Variants in RBMS3 observed in about 807,000 individuals in gnomAD.
The protein encoded by RBMS3 is RNA binding motif single stranded interacting protein 3.
In RBMS3, 27 loss-of-function variants were observed where a neutral mutation model predicts 66.8. The ratio of observed to expected loss-of-function variants is 0.40; its 90% CI spans 0.30 to 0.56. The LOEUF (loss-of-function observed/expected upper bound fraction) is 0.56, where lower values mean the gene tolerates loss of function less well. RBMS3 is among the 20% of genes least tolerant of loss of function. The pLI is 0.40. For missense variants in RBMS3, 513 were observed against 549.5 expected (o/e 0.93, Z 0.66); for synonymous variants, 188 against 183.0 (o/e 1.03, Z -0.22).
At chr3:29,690,763 T>A (rs2051967943) in intron 4 of RBMS3, among the ~76,000 whole-genome samples, 1 of 152,236 alleles carries the variant, frequency 6.6e-6, no homozygotes, top group East Asian at 1.9e-4. Context: ...AGTTTGAACT[T>A]TGTGCTCTGT....
intron 4 of RBMS3, among the ~76,000 whole-genome samples, chr3:29,733,296 C>G (rs182838894): frequency 6.6e-6 from 1 of 151,730 alleles, no homozygotes; most frequent in Non-Finnish European, 1.5e-5. Context: ...ATTCGTTATA[C>G]ACAATTTTGT....
intron 4 of RBMS3, among the ~76,000 whole-genome samples, chr3:29,702,922 C>G (rs1338837975): frequency 3.9e-5 from 6 of 152,178 alleles, no homozygotes; most frequent in Admixed American, 3.9e-4. Flanking sequence ...CCCACCAATT[C>G]CGGACACAAT....
chr3:29,977,178 G>A (rs906406872), intron 12 of RBMS3, among the ~76,000 whole-genome samples: 4 of 151,878 alleles, frequency 2.6e-5, no homozygotes, highest in African/African-American at 4.8e-5. Context: ...AGCAAGGACT[G>A]GAAGCACCAA....
intron 11 of RBMS3, among the ~76,000 whole-genome samples, chr3:29,939,528 A>G (rs1036064225): frequency 1.3e-5 from 2 of 151,892 alleles, no homozygotes; most frequent in Admixed American, 1.3e-4. Flanking sequence ...CTCACTTTCC[A>G]ACTTTTAAAG....
intron 12 of RBMS3, among the ~76,000 whole-genome samples, chr3:29,974,405 CATT>C (rs1360794182): frequency 5.9e-5 from 9 of 151,822 alleles, no homozygotes; most frequent in African/African-American, 2.2e-4. Flanking sequence ...TATCTAAAGT[CATT>C]ATTTTTTGTT....
intron 4 of RBMS3, among the ~76,000 whole-genome samples, chr3:29,625,343 C>G (rs1056179437): frequency 1.3e-5 from 2 of 152,054 alleles, no homozygotes; most frequent in African/African-American, 4.8e-5. Flanking sequence ...CACATAGAAC[C>G]AACTTAGAAC....
intron 6 of RBMS3, among the ~76,000 whole-genome samples, chr3:29,813,110 G>A (rs896738605): frequency 3.3e-5 from 5 of 151,754 alleles, no homozygotes; most frequent in African/African-American, 9.7e-5. Flanking sequence ...TGATGTTTCC[G>A]GTTTTCTATA....
At chr3:29,963,828 C>CAA (rs759079889) in intron 12 of RBMS3, among the ~76,000 whole-genome samples, 2,377 of 121,376 alleles carry the variant, frequency 0.02, 73 homozygotes, top group Admixed American at 0.048. Flanking sequence ...CTGCCCCCTC[C>CAA]AAAAAAAAAA....
chr3:29,587,245 TTTTTGTGTGTGTGTGTGTG>T, intron 4 of RBMS3, 40 bp downstream of exon 4: 1 of 803,848 alleles, frequency 1.2e-6, no homozygotes, highest in Non-Finnish European at 1.7e-6. Context: ...TTTTTTTTTT[TTTTTGTGTGTGTGTGTGTG>T]TGTGTGTGTG....
chr3:29,884,239 T>C (rs1263092648), intron 8 of RBMS3, 31 bp downstream of exon 8: 19 of 1,572,124 alleles, frequency 1.2e-5, no homozygotes, highest in Admixed American at 3.4e-5. Flanking sequence ...CTATTTTAAT[T>C]GTGAATAGAT....
rs2048606319 is a variant in RBMS3, at chr3:29,614,753, CTA to C, written c.399+27550_399+27551del. ...AATAAATATGTGAGATCTCTGGAAACTATGTTTTCAAAGTGTGTCAGTCAAAT... is the reference window on the plus strand; with the variant it reads ...AATAAATATGTGAGATCTCTGGAAACTGTTTTCAAAGTGTGTCAGTCAAAT... On this transcript the variant is annotated intron_variant, in intron 4 of 14. Transcript: ENST00000383767. 2.0e-5 allele frequency: 3 copies of C among 152,118 alleles called. No individual in the cohort carries two copies. The South Asian group carries it at 6.2e-4, about 32-fold the overall frequency. The allele number at this position is 152,118 out of a possible 1,614,324, so 9.4% of individuals were successfully genotyped here.
chr3:29,686,622 T>C lies in RBMS3; in HGVS notation c.400-53098T>C, dbSNP rs566455691. ...GTTGCTTGAGTGCAGGAGTTCTAAA[T>C]TACAGTGGGCTGTGATCACACTCTA... is the stretch of plus-strand genomic sequence containing the variant. On this transcript the variant is annotated intron_variant, in intron 4 of 14. Coordinates refer to ENST00000383767, the MANE Select transcript of RBMS3 (RefSeq NM_001003793.3). Among the ~76,000 whole-genome samples the C allele has an allele frequency of 2.0e-3, 297 of 152,202 alleles. 3 individuals are homozygous for C. Among genetic ancestry groups the C allele is most frequent in the African/African-American group, 6.8e-3 (284 of 41,526 alleles).
intron 10 of RBMS3, among the ~76,000 whole-genome samples, chr3:29,929,044 T>C (rs988271906): frequency 3.3e-5 from 5 of 152,186 alleles, no homozygotes; most frequent in Non-Finnish European, 7.3e-5. Context: ...TCTCCTTAAG[T>C]AGAAAAATAA....
intron 6 of RBMS3, among the ~76,000 whole-genome samples, chr3:29,796,832 C>A (rs890917351): frequency 8.0e-5 from 12 of 150,832 alleles, no homozygotes; most frequent in Non-Finnish European, 1.8e-4. Context: ...CCTGCCTCGG[C>A]CTCCAGAGTA....
intron 3 of RBMS3, among the ~76,000 whole-genome samples, chr3:29,557,296 A>G (rs988611647): frequency 6.6e-6 from 1 of 152,202 alleles, no homozygotes; most frequent in African/African-American, 2.4e-5. Context: ...CCACAGATCC[A>G]GTAACTAAAA....
At chr3:29,480,206 A>G (rs1171160624) in intron 2 of RBMS3, among the ~76,000 whole-genome samples, 1 of 152,202 alleles carries the variant, frequency 6.6e-6, no homozygotes, top group Admixed American at 6.5e-5. Flanking sequence ...TTTGTAATAC[A>G]GTTGTTCTTA....
intron 4 of RBMS3, among the ~76,000 whole-genome samples, chr3:29,688,633 A>G (rs2051843590): frequency 8.7e-6 from 1 of 114,960 alleles, no homozygotes; most frequent in Admixed American, 1.3e-4. Flanking sequence ...ACCAGGCTGG[A>G]GTGCAATGGT....
intron 6 of RBMS3, among the ~76,000 whole-genome samples, chr3:29,834,620 C>A (rs563160084): frequency 1.3e-5 from 2 of 152,098 alleles, no homozygotes; most frequent in East Asian, 3.9e-4. Context: ...ATGAAGCAAA[C>A]TCTTATAGTA....
Position 29,326,733 on chromosome 3 carries a change from C to CTTTTTTTTTT in RBMS3, c.75+44983_75+44992dup, listed in dbSNP as rs56162153. Among the ~76,000 whole-genome samples the CTTTTTTTTTT allele has an allele frequency of 3.7e-5, 5 of 133,792 alleles. No homozygotes were observed. The South Asian group carries it at 1.2e-3, about 32-fold the overall frequency. 87.8% of individuals were successfully genotyped at this position (133,792 alleles called of 152,430 possible). On this transcript the variant is annotated intron_variant, in intron 1 of 14. Transcript: ENST00000383767. ...ATGCTTCAGTCTTACTACTGGCATC[C>CTTTTTTTTTT]TTTTTTTTTTTTTTTCGAGACAGAG...
Sources: allele counts gnomAD v4.1 joint callset (sites outside exome capture counted in the v4.1 genomes callset), GRCh38; gene constraint gnomAD v4.1.1; transcripts MANE v1.5; gene names NCBI Gene and HGNC (gene_info 2026-07-23, HGNC 2026-07-21).